GLB1: variants seen among roughly 807,000 people sequenced by gnomAD.
GLB1 encodes the protein beta-galactosidase.
A neutral mutation model predicts 74.0 loss-of-function variants in GLB1; 56 were observed. That is an observed-to-expected ratio of 0.76 (90% CI 0.61 to 0.94). The LOEUF is 0.94. Ranked by LOEUF, GLB1 falls within the 40% of genes least tolerant of loss-of-function variation. The pLI is 0.00. For missense variants in GLB1, 787 were observed against 845.5 expected, an observed-to-expected ratio of 0.93 and a Z score of 0.86; for synonymous variants, 323 against 323.6, an observed-to-expected ratio of 1.00 and a Z score of 0.02.
chr3:33,041,624 T>G (rs1698504879), intron 10 of GLB1, among the ~76,000 whole-genome samples: 1 of 144,872 alleles, frequency 6.9e-6, no homozygotes, highest in South Asian at 2.1e-4. Context: ...ATCTCACCAC[T>G]GCACTCATTC....
intron 1 of GLB1, chr3:33,090,561 T>C (rs1050800079): frequency 1.0e-6 from 1 of 985,348 alleles, no homozygotes; most frequent in Non-Finnish European, 1.2e-6. Flanking sequence ...CAAATGAAAT[T>C]GAAAGAATGA....
At chr3:33,032,368 T>C (rs900518780) in intron 10 of GLB1, among the ~76,000 whole-genome samples, 3 of 152,142 alleles carry the variant, frequency 2.0e-5, no homozygotes, top group Non-Finnish European at 4.4e-5. Flanking sequence ...CTGGAAATAT[T>C]GAGCTGAATA....
intron 15 of GLB1, among the ~76,000 whole-genome samples, chr3:33,004,281 A>T (rs759490150): frequency 6.6e-6 from 1 of 152,216 alleles, no homozygotes; most frequent in Non-Finnish European, 1.5e-5. Flanking sequence ...GCCTCAGCTG[A>T]CAGATGGCTA....
At chr3:33,058,292 G>GAA (rs775421461) in intron 5 of GLB1, 23 bp from the exon 6 acceptor site, 23 of 1,613,664 alleles carry the variant, frequency 1.4e-5, no homozygotes, top group Non-Finnish European at 1.9e-5. Flanking sequence ...AAAGAGCAGG[G>GAA]AAAAATGAGG....
intron 10 of GLB1, among the ~76,000 whole-genome samples, chr3:33,037,034 T>A (rs963362282): frequency 2.1e-5 from 3 of 145,984 alleles, no homozygotes; most frequent in South Asian, 2.2e-4. Flanking sequence ...TTTATATATA[T>A]TTTACCACAA....
intron 15 of GLB1, among the ~76,000 whole-genome samples, chr3:33,013,113 A>G (rs1053749768): frequency 1.3e-5 from 2 of 152,118 alleles, no homozygotes; most frequent in Middle Eastern, 3.4e-3. Context: ...CACACTTGAC[A>G]TTTTCCCCTC....
At chr3:32,973,797 C>A in the GLB1 span, among the ~76,000 whole-genome samples, 1 of 151,980 alleles carries the variant, frequency 6.6e-6, no homozygotes, top group African/African-American at 2.4e-5. Context: ...AAAATAAATA[C>A]TATTTCAAAC....
At chr3:33,096,246 G>T in intron 1 of GLB1, 1 of 323,388 alleles carries the variant, frequency 3.1e-6, no homozygotes, top group Non-Finnish European at 4.4e-6. Context: ...CCCAGGCAGC[G>T]CTTTGGAGCC....
At chr3:33,041,671 A>G (rs975199598) in intron 10 of GLB1, among the ~76,000 whole-genome samples, 4 of 151,928 alleles carry the variant, frequency 2.6e-5, no homozygotes, top group Non-Finnish European at 5.9e-5. Context: ...CAAAAAAAAA[A>G]AAAAAGAAAG....
At chr3:33,095,134 C>CCTAAAGAAA (rs1371800030) in intron 1 of GLB1, among the ~76,000 whole-genome samples, 1 of 144,918 alleles carries the variant, frequency 6.9e-6, no homozygotes, top group Admixed American at 6.9e-5. Flanking sequence ...TCACTTGAAC[C>CCTAAAGAAA]TGGGAGGTGG....
chr3:33,071,090 T>A (rs1699871833), intron 2 of GLB1, among the ~76,000 whole-genome samples: 1 of 152,178 alleles, frequency 6.6e-6, no homozygotes, highest in Non-Finnish European at 1.5e-5. Flanking sequence ...ACAGACAGCA[T>A]GGGATACAAA....
chr3:33,072,167 G>A (rs1305239821), intron 2 of GLB1, among the ~76,000 whole-genome samples: 1 of 152,082 alleles, frequency 6.6e-6, no homozygotes. Context: ...CCAAAGATAT[G>A]GCCTTGGGCA....
At chr3:32,990,867 G>C in the GLB1 span, among the ~76,000 whole-genome samples, 1 of 152,066 alleles carries the variant, frequency 6.6e-6, no homozygotes, top group Non-Finnish European at 1.5e-5. Context: ...CCAGCTACTC[G>C]GGAGGCTGAG....
the GLB1 span, among the ~76,000 whole-genome samples, chr3:32,969,016 C>T: frequency 1.3e-5 from 2 of 152,160 alleles, no homozygotes; most frequent in African/African-American, 4.8e-5. Flanking sequence ...CAAGTCAGTC[C>T]CAGGAGGCCC....
chr3:33,030,776 C>G (rs1270172482), intron 10 of GLB1: 2 of 985,226 alleles, frequency 2.0e-6, no homozygotes, highest in Non-Finnish European at 2.4e-6. Context: ...GACCCATTTC[C>G]AAAACATCAG....
intron 11 of GLB1, 120 bp from the exon 12 acceptor site, chr3:33,021,775 A>T (rs1212709244): frequency 7.2e-6 from 8 of 1,113,250 alleles, no homozygotes; most frequent in African/African-American, 3.1e-5. Flanking sequence ...AATAAACCTA[A>T]ATCATTCAAA....
At chr3:33,067,283 A>G (rs1006615568) in intron 4 of GLB1, among the ~76,000 whole-genome samples, 28 of 151,194 alleles carry the variant, frequency 1.9e-4, no homozygotes, top group Non-Finnish European at 3.0e-5. Context: ...GATTACAGGC[A>G]TGAGCCACTA....
chr3:33,014,597 TAG>T (rs1354364293), intron 14 of GLB1, among the ~76,000 whole-genome samples: 1 of 152,164 alleles, frequency 6.6e-6, no homozygotes, highest in Non-Finnish European at 1.5e-5. Flanking sequence ...ATTGAGTTGC[TAG>T]AGTGATTGAT....
At chr3:33,053,105 C>G (rs1022187097) in intron 7 of GLB1, among the ~76,000 whole-genome samples, 8 of 152,204 alleles carry the variant, frequency 5.3e-5, no homozygotes, top group Non-Finnish European at 1.2e-4. Context: ...AGCTTGCCAA[C>G]CATCCCGGCT....
Sources: allele counts gnomAD v4.1 joint callset (sites outside exome capture counted in the v4.1 genomes callset), GRCh38; gene constraint gnomAD v4.1.1; transcripts MANE v1.5; gene names NCBI Gene and HGNC (gene_info 2026-07-23, HGNC 2026-07-21).